ZNF536: variants seen among roughly 807,000 people sequenced by gnomAD.
ZNF536 encodes the protein zinc finger protein 536.
ZNF536 carries 13 observed loss-of-function variants against 84.5 expected under a neutral mutation model. The ratio of observed to expected loss-of-function variants is 0.15; its 90% CI spans 0.10 to 0.24. ZNF536 has a LOEUF of 0.24. Among genes scored for constraint, ZNF536 ranks in the 10% least tolerant of loss-of-function variants. ZNF536 has a pLI of 1.00. For missense variants in ZNF536, 1,536 were observed against 1,747.5 expected (o/e 0.88, Z 2.16); for synonymous variants, 811 against 742.5 (o/e 1.09, Z -1.50).
intron 1 of ZNF536, among the ~76,000 whole-genome samples, chr19:30,620,871 CA>C (rs759907246): frequency 0.01 from 1,394 of 138,472 alleles, 5 homozygotes; most frequent in African/African-American, 0.012. Flanking sequence ...CCAATTCTGG[CA>C]AAAAAAAAAA....
At chr19:30,368,832 C>T (rs1021287024), upstream of ZNF536, among the ~76,000 whole-genome samples, 4 of 152,192 alleles carry the variant, frequency 2.6e-5, no homozygotes, top group South Asian at 2.1e-4. Flanking sequence ...TCAGCTGCTC[C>T]GCTTGCTTGG....
Position 30,262,317 on chromosome 19 carries a change from T to C in ZNF536, c.-189-21755T>C, listed in dbSNP as rs1328971872. Among the ~76,000 whole-genome samples, 10 of 152,218 alleles carry C rather than the reference T, an allele frequency of 6.6e-5. No individual in the cohort carries two copies. The East Asian group carries it at 1.5e-3, about 23-fold the overall frequency. ...AGGTGCAGGTGGGAAGGGACAGTCATGGAGCTGTACCACTGAGTTTCCCTG... is the reference window on the plus strand; with the variant it reads ...AGGTGCAGGTGGGAAGGGACAGTCACGGAGCTGTACCACTGAGTTTCCCTG... On this transcript the variant is annotated intron_variant, in intron 1 of 5. Coordinates refer to the ZNF536 transcript ENST00000585628.
intron 1 of ZNF536, among the ~76,000 whole-genome samples, chr19:30,239,598 A>G (rs2023789998): frequency 6.6e-6 from 1 of 152,132 alleles, no homozygotes; most frequent in Non-Finnish European, 1.5e-5. Flanking sequence ...CTAAAGGGGG[A>G]GACTTGTCCT....
chr19:30,434,681 G>C (rs2051628721), intron 1 of ZNF536, among the ~76,000 whole-genome samples: 1 of 152,208 alleles, frequency 6.6e-6, no homozygotes, highest in Non-Finnish European at 1.5e-5. Context: ...AGAGGAGGAA[G>C]ATGATGAAGA....
At chr19:30,377,883 A>G (rs979155706) in intron 1 of ZNF536, among the ~76,000 whole-genome samples, 3 of 152,104 alleles carry the variant, frequency 2.0e-5, no homozygotes, top group Non-Finnish European at 4.4e-5. Flanking sequence ...CCCAGCTCCT[A>G]TTCAAGATGG....
chr19:30,549,824 A>G (rs927279079), intron 4 of ZNF536, among the ~76,000 whole-genome samples: 5 of 152,118 alleles, frequency 3.3e-5, no homozygotes, highest in African/African-American at 9.7e-5. Flanking sequence ...TGAAGGGGGG[A>G]AAATCGACTT....
intron 1 of ZNF536, among the ~76,000 whole-genome samples, chr19:30,657,441 C>A (rs1406131092): frequency 1.3e-5 from 2 of 152,226 alleles, no homozygotes; most frequent in Admixed American, 1.3e-4. Context: ...CTAAAGCCAC[C>A]TCTCCTGTGG....
At chr19:30,497,625 A>G (rs2054776646) in intron 2 of ZNF536, among the ~76,000 whole-genome samples, 1 of 152,218 alleles carries the variant, frequency 6.6e-6, no homozygotes, top group African/African-American at 2.4e-5. Context: ...GAGTGGCCCA[A>G]AAGGAGAAAG....
chr19:30,630,442 C>A (rs553760012), intron 1 of ZNF536, among the ~76,000 whole-genome samples: 1 of 151,518 alleles, frequency 6.6e-6, no homozygotes, highest in East Asian at 1.9e-4. Context: ...TGTGTACCTG[C>A]GTGTGTGCAC....
chr19:30,284,206 C>T (rs896471535), intron 2 of ZNF536: 2 of 152,288 alleles, frequency 1.3e-5, no homozygotes, highest in Non-Finnish European at 2.9e-5. Context: ...GAAGTCCAGG[C>T]TGCCTTCTCT....
At chr19:30,459,644 C>T (rs2053041448) in intron 2 of ZNF536, among the ~76,000 whole-genome samples, 1 of 152,198 alleles carries the variant, frequency 6.6e-6, no homozygotes, top group Non-Finnish European at 1.5e-5. Flanking sequence ...TGCCACTGTA[C>T]CTGGCCTGCA....
chr19:30,635,202 G>A (rs1029058077), intron 1 of ZNF536, among the ~76,000 whole-genome samples: 1 of 152,134 alleles, frequency 6.6e-6, no homozygotes, highest in African/African-American at 2.4e-5. Flanking sequence ...ATTCTCTGAA[G>A]GATTCCCATC....
At chr19:30,589,539 G>C (rs991345750) in intron 1 of ZNF536, among the ~76,000 whole-genome samples, 1 of 152,206 alleles carries the variant, frequency 6.6e-6, no homozygotes, top group Non-Finnish European at 1.5e-5. Flanking sequence ...CTCAGGTTAT[G>C]GATGTTTGAG....
At chr19:30,580,680 C>T (rs1220044076) in intron 1 of ZNF536, among the ~76,000 whole-genome samples, 3 of 152,206 alleles carry the variant, frequency 2.0e-5, no homozygotes, top group Non-Finnish European at 4.4e-5. Context: ...GTTCAGGCTC[C>T]TATGATCCTG....
intron 1 of ZNF536, among the ~76,000 whole-genome samples, chr19:30,250,404 C>G (rs78342541): frequency 0.016 from 2,370 of 152,258 alleles, 62 homozygotes; most frequent in African/African-American, 0.054. Flanking sequence ...GCAGGCTGAG[C>G]TCTTGGGGCA....
chr19:30,561,192 A>G (rs2046151741), downstream of ZNF536, among the ~76,000 whole-genome samples: 1 of 152,208 alleles, frequency 6.6e-6, no homozygotes, highest in Non-Finnish European at 1.5e-5. Context: ...ATTTGCAATT[A>G]ATTTACCAAA....
At chr19:30,690,743 G>A (rs1439927964) in intron 1 of ZNF536, among the ~76,000 whole-genome samples, 2 of 151,998 alleles carry the variant, frequency 1.3e-5, no homozygotes, top group African/African-American at 2.4e-5. Flanking sequence ...TTTCCCGTCT[G>A]TAAAATGGAA....
intron 1 of ZNF536, among the ~76,000 whole-genome samples, chr19:30,698,996 C>T (rs2051780836): frequency 6.6e-6 from 1 of 152,186 alleles, no homozygotes; most frequent in Admixed American, 6.5e-5. Context: ...GGGTCATAAT[C>T]TGATATTATG....
At chr19:30,692,016 G>A (rs1000835408) in intron 1 of ZNF536, among the ~76,000 whole-genome samples, 2 of 152,226 alleles carry the variant, frequency 1.3e-5, no homozygotes, top group African/African-American at 4.8e-5. Flanking sequence ...TCATGGCCGG[G>A]CCTGGGAGGC....
Sources: gnomAD v4.1 joint callset for allele counts (sites outside exome capture counted in the v4.1 genomes callset) on GRCh38, gnomAD v4.1.1 for gene constraint, MANE v1.5 for transcripts, NCBI Gene and HGNC (gene_info 2026-07-23, HGNC 2026-07-21) for gene names.